The following NAT1 variants were observed in gnomAD, a reference collection of about 807,000 sequenced individuals.
The protein encoded by NAT1 is N-acetyltransferase 1, also known as arylamine N-acetyltransferase 1.
For missense variants in NAT1, 400 were observed against 339.2 expected, an observed-to-expected ratio of 1.18 and a Z score of -1.41; for synonymous variants, 144 against 122.6, an observed-to-expected ratio of 1.17 and a Z score of -1.16.
Position 18,203,032 on chromosome 8 carries a change from A to G in NAT1, n.93-6749A>G, listed in dbSNP as rs147539247. Among the ~76,000 whole-genome samples the G allele has an allele frequency of 5.3e-3, 801 of 152,272 alleles. 10 individuals are homozygous for G. The highest frequency in any genetic ancestry group is 0.018 in the African/African-American group (764 of 41,536). On this transcript the variant is annotated intron_variant and non_coding_transcript_variant, in intron 2 of 4. Coordinates refer to the NAT1 transcript ENST00000517441. The stretch of plus-strand genomic sequence containing the variant: ...CACAGAGCGAGATTGGTGTGCTTTT[A>G]CAGAGTGCTGATTGGTGCATTTACA...
intron 1 of NAT1, chr8:18,216,786 G>C (rs1589118467): frequency 1.4e-6 from 1 of 704,404 alleles, no homozygotes; most frequent in East Asian, 2.9e-5. Flanking sequence ...CAGATACTGG[G>C]TATGATGAGA....
In NAT1 at chr8:18,222,479, T is replaced by A. The variant is rs1466874350; in HGVS notation, c.432T>A (p.Pro144=). 2 of 1,613,974 alleles carry A rather than the reference T, an allele frequency of 1.2e-6. No homozygotes were observed. The highest frequency in any genetic ancestry group is 3.3e-5 in the Admixed American group (2 of 59,980). The change falls in exon 3 of 3, where the codon CCT becomes CCA. Residue 144 remains proline, a synonymous_variant. Transcript: ENST00000307719. The part of the protein sequence containing the change: ...PLELISGKDQ[P]QVPCVFRLTE... ...AGTTAATTTCTGGGAAGGATCAGCC[T>A]CAGGTGCCTTGTGTCTTCCGTTTGA... is the stretch of plus-strand genomic sequence containing the variant.
At chr8:18,181,396 C>T (rs1802512214) in intron 2 of NAT1, among the ~76,000 whole-genome samples, 1 of 152,048 alleles carries the variant, frequency 6.6e-6, no homozygotes, top group African/African-American at 2.4e-5. Context: ...AATAGAGATG[C>T]TATGGATTTT....
chr8:18,179,040 A>G (rs894603987), intron 2 of NAT1, among the ~76,000 whole-genome samples: 5 of 152,102 alleles, frequency 3.3e-5, no homozygotes, highest in African/African-American at 1.2e-4. Flanking sequence ...GTCAACATTT[A>G]TCCCTCTATA....
intron 2 of NAT1, among the ~76,000 whole-genome samples, chr8:18,194,333 T>C (rs1024633988): frequency 6.6e-6 from 1 of 152,198 alleles, no homozygotes; most frequent in Admixed American, 6.5e-5. Flanking sequence ...GTGATTTAAA[T>C]CTTTTTAGTC....
intron 2 of NAT1, among the ~76,000 whole-genome samples, chr8:18,188,982 G>C (rs1300559162): frequency 2.1e-5 from 2 of 96,622 alleles, no homozygotes; most frequent in Non-Finnish European, 3.8e-5. Flanking sequence ...GTGACAGAGA[G>C]AGACTCCGAC....
At chr8:18,184,050 G>A (rs1802630488) in intron 2 of NAT1, among the ~76,000 whole-genome samples, 1 of 152,036 alleles carries the variant, frequency 6.6e-6, no homozygotes, top group Non-Finnish European at 1.5e-5. Flanking sequence ...GGGTGGTGGG[G>A]GGGTCCCTGT....
upstream of NAT1, among the ~76,000 whole-genome samples, chr8:18,208,955 G>A (rs181301915): frequency 1.8e-4 from 28 of 152,272 alleles, no homozygotes; most frequent in Non-Finnish European, 2.9e-5. Flanking sequence ...ATTTAAGGAC[G>A]TACCAGTGCA....
intron 2 of NAT1, among the ~76,000 whole-genome samples, chr8:18,200,005 A>G (rs1384516393): frequency 6.6e-6 from 1 of 152,224 alleles, no homozygotes; most frequent in Admixed American, 6.5e-5. Context: ...TTAAAATGTC[A>G]AAAAGTAACA....
At chr8:18,204,891 T>G (rs900982334) in intron 2 of NAT1, among the ~76,000 whole-genome samples, 5 of 152,320 alleles carry the variant, frequency 3.3e-5, no homozygotes, top group African/African-American at 9.6e-5. Context: ...AAGTTTTGAT[T>G]GCGGTGTAAA....
At chr8:18,221,560 T>A (rs8190855) in intron 2 of NAT1, among the ~76,000 whole-genome samples, 6 of 152,198 alleles carry the variant, frequency 3.9e-5, no homozygotes, top group Admixed American at 2.6e-4. Context: ...TTTCTTGAGT[T>A]AATCAATCAA....
rs540934412 is a variant in NAT1 at position 18,179,543 on chromosome 8, G to A, written n.92+8804G>A. On this transcript the variant is annotated intron_variant and non_coding_transcript_variant, in intron 2 of 4. Transcript: ENST00000517441. ...CTACAGCAAAAGGCTAAGAAATGGC[G>A]TATTGAAATGAGCACAGAAAGAAGG... is the stretch of plus-strand genomic sequence containing the variant. 3.5e-4 allele frequency among the ~76,000 whole-genome samples: 54 copies of A among 152,254 alleles called. 1 individual carries two copies. Among genetic ancestry groups the A allele is most frequent in the South Asian group, 3.5e-3 (17 of 4,830 alleles).
At chr8:18,220,478 A>G (rs8190837) in intron 2 of NAT1, among the ~76,000 whole-genome samples, 12,363 of 152,260 alleles carry the variant, frequency 0.081, 578 homozygotes, top group South Asian at 0.11. Context: ...CACTGTTACA[A>G]TCATAGTCTC....
At chr8:18,216,432 C>T (rs1052359138) in intron 1 of NAT1, among the ~76,000 whole-genome samples, 5 of 152,080 alleles carry the variant, frequency 3.3e-5, no homozygotes, top group Non-Finnish European at 5.9e-5. Flanking sequence ...AAGCTCGAGT[C>T]AGGGCAATCA....
intron 2 of NAT1, among the ~76,000 whole-genome samples, chr8:18,177,036 A>C (rs552986796): frequency 1.3e-5 from 2 of 152,174 alleles, no homozygotes; most frequent in East Asian, 3.9e-4. Context: ...GTGTACAGAA[A>C]CACTACTGAT....
intron 2 of NAT1, among the ~76,000 whole-genome samples, chr8:18,171,958 T>C (rs1306915457): frequency 6.6e-6 from 1 of 152,370 alleles, no homozygotes; most frequent in African/African-American, 2.4e-5. Context: ...GGAAAGCCTC[T>C]TGAATTCCAT....
chr8:18,195,557 A>G (rs907221843), intron 2 of NAT1, among the ~76,000 whole-genome samples: 63 of 152,176 alleles, frequency 4.1e-4, no homozygotes, highest in Non-Finnish European at 7.9e-4. Flanking sequence ...CTTTCAAATA[A>G]TATGTGTAAT....
rs59648550 is a variant in NAT1 at position 18,182,534 on chromosome 8, T to C, written n.92+11795T>C. Among the ~76,000 whole-genome samples the C allele has an allele frequency of 6.4e-4, 97 of 152,314 alleles. No individual in the cohort carries two copies. In the East Asian group the frequency reaches 0.017, roughly 27 times the overall value. ...GATTGCTTCGTTTTTAAAAAGAAACTCTTTTCACTGCTTTGCAGTGTCATA... is the reference window on the plus strand; with the variant it reads ...GATTGCTTCGTTTTTAAAAAGAAACCCTTTTCACTGCTTTGCAGTGTCATA... On this transcript the variant is annotated intron_variant and non_coding_transcript_variant, in intron 2 of 4. Transcript: ENST00000517441.
chr8:18,210,851 T>C (rs1026596392), intron 1 of NAT1, among the ~76,000 whole-genome samples: 5 of 152,214 alleles, frequency 3.3e-5, no homozygotes, highest in South Asian at 2.1e-4. Context: ...CTCAGCTTAG[T>C]GCATCCTCCT....
Sources: allele counts gnomAD v4.1 joint callset (sites outside exome capture counted in the v4.1 genomes callset), GRCh38; gene constraint gnomAD v4.1.1; transcripts MANE v1.5; gene names NCBI Gene and HGNC (gene_info 2026-07-23, HGNC 2026-07-21).